SEZ6L: variants seen among roughly 807,000 people sequenced by gnomAD.
The protein encoded by SEZ6L is seizure 6-like protein.
In SEZ6L, 37 loss-of-function variants were observed where a neutral mutation model predicts 106.2. That is an observed-to-expected ratio of 0.35 (90% CI 0.27 to 0.46). The LOEUF is 0.46. SEZ6L is among the 20% of genes least tolerant of loss of function. SEZ6L has a pLI of 1.00. For missense variants in SEZ6L, 1,172 were observed against 1,332.8 expected (o/e 0.88, Z 1.88); for synonymous variants, 541 against 570.4 (o/e 0.95, Z 0.73).
intron 9 of SEZ6L, among the ~76,000 whole-genome samples, chr22:26,321,747 T>G (rs1798200328): frequency 6.6e-6 from 1 of 152,180 alleles, no homozygotes; most frequent in African/African-American, 2.4e-5. Flanking sequence ...CCTAAGTGTT[T>G]GCAATTGTTA....
intron 9 of SEZ6L, among the ~76,000 whole-genome samples, chr22:26,320,049 AG>A (rs1383528116): frequency 6.6e-6 from 1 of 152,360 alleles, no homozygotes; most frequent in East Asian, 1.9e-4. Context: ...CTGGTTGATA[AG>A]AAATAACATT....
chr22:26,312,649 C>A (rs954817930), intron 8 of SEZ6L, among the ~76,000 whole-genome samples: 1 of 152,222 alleles, frequency 6.6e-6, no homozygotes, highest in Non-Finnish European at 1.5e-5. Flanking sequence ...CGGCTCACTG[C>A]AGCCTCCGCT....
At chr22:26,355,153 C>G (rs769378063) in intron 12 of SEZ6L, among the ~76,000 whole-genome samples, 1 of 152,356 alleles carries the variant, frequency 6.6e-6, no homozygotes, top group South Asian at 2.1e-4. Context: ...CTTCAGTAGG[C>G]TGACCTTTTC....
At position 26,313,885 on chromosome 22, in the gene SEZ6L, C is replaced by A. The variant is rs2081921931; in HGVS notation, c.1998C>A (p.Ile666=). 6.2e-7 allele frequency: 1 copy of A among 1,606,286 alleles called. No homozygotes were observed. The highest frequency in any genetic ancestry group is 8.5e-7 in the Non-Finnish European group (1 of 1,173,232). ...TCCACGTGGGAGAAGAGAAACGGAT[C>A]TTCTTAGATATCCAGTTGTGAGTGT... ...WKIHVGEEKR[I]FLDIQFLNLS... is the part of the protein sequence containing the mutation. The change falls in exon 9 of 17, where the codon ATC becomes ATA. Residue 666 remains isoleucine, a synonymous_variant. Transcript: ENST00000248933.
At chr22:26,348,650 G>GAAAGAAAGAAAGAAAGAA (rs2083126761) in intron 11 of SEZ6L, among the ~76,000 whole-genome samples, 5 of 18,878 alleles carry the variant, frequency 2.6e-4, no homozygotes, top group Admixed American at 5.3e-4. Context: ...GAAAGAAAAA[G>GAAAGAAAGAAAGAAAGAA]AAAGAAAGAA....
intron 1 of SEZ6L, among the ~76,000 whole-genome samples, chr22:26,277,128 CCT>C (rs1417101544): frequency 6.8e-6 from 1 of 147,390 alleles, no homozygotes; most frequent in African/African-American, 2.5e-5. Context: ...TTTAATATAG[CCT>C]CTCTCTCAGC....
At chr22:26,170,616 G>C (rs1361202876) in intron 1 of SEZ6L, among the ~76,000 whole-genome samples, 2 of 152,098 alleles carry the variant, frequency 1.3e-5, no homozygotes, top group Non-Finnish European at 2.9e-5. Flanking sequence ...AGGTACCCCA[G>C]GAAAAGTTAT....
chr22:26,228,546 A>G (rs2078703790), intron 1 of SEZ6L, among the ~76,000 whole-genome samples: 1 of 152,198 alleles, frequency 6.6e-6, no homozygotes, highest in South Asian at 2.1e-4. Context: ...TCAGCCCTCT[A>G]TGCCTCCTCA....
chr22:26,203,442 T>G (rs1941102910), intron 1 of SEZ6L, among the ~76,000 whole-genome samples: 1 of 152,236 alleles, frequency 6.6e-6, no homozygotes, highest in African/African-American at 2.4e-5. Context: ...GGTTGTTTAT[T>G]GTTCACATCT....
At chr22:26,252,334 C>T (rs2079625366) in intron 1 of SEZ6L, among the ~76,000 whole-genome samples, 1 of 152,142 alleles carries the variant, frequency 6.6e-6, no homozygotes, top group Non-Finnish European at 1.5e-5. Context: ...ACCAAAGATC[C>T]TTGAAAAACC....
intron 1 of SEZ6L, among the ~76,000 whole-genome samples, chr22:26,255,293 C>T (rs2079772426): frequency 6.6e-6 from 1 of 152,192 alleles, no homozygotes; most frequent in Admixed American, 6.5e-5. Context: ...TTGCCTTTTG[C>T]TTCCCTCGGG....
intron 1 of SEZ6L, among the ~76,000 whole-genome samples, chr22:26,226,082 T>A (rs1490836541): frequency 6.6e-6 from 1 of 152,194 alleles, no homozygotes. Flanking sequence ...ACCACCCTGG[T>A]CTAAGCCACC....
rs1556301617 is a variant in SEZ6L at position 26,278,999 on chromosome 22, A to AGGAAGGAAAGAAGGAAAGAC, written c.95-13399_95-13398insAGAAGGAAAGACGGAAGGAA. Among the ~76,000 whole-genome samples, 19 of 135,644 alleles carry AGGAAGGAAAGAAGGAAAGAC rather than the reference A, an allele frequency of 1.4e-4. 1 individual carries two copies. In the Middle Eastern group the frequency reaches 0.012, roughly 86 times the overall value. 89.0% of individuals were successfully genotyped at this position (135,644 alleles called of 152,430 possible). Reference sequence around the variant, plus strand: ...GAGGGAGGGAGGGAGGAAGGAAGGAAGGAAGGAAGGGAAGGAAGGAAAGAA... The same window carrying AGGAAGGAAAGAAGGAAAGAC: ...GAGGGAGGGAGGGAGGAAGGAAGGAAGGAAGGAAAGAAGGAAAGACGGAAGGAAGGGAAGGAAGGAAAGAA... On this transcript the variant is annotated intron_variant, in intron 1 of 16. Transcript: ENST00000248933.
At chr22:26,258,387 A>G (rs571811200) in intron 1 of SEZ6L, among the ~76,000 whole-genome samples, 19 of 152,334 alleles carry the variant, frequency 1.2e-4, no homozygotes, top group Non-Finnish European at 8.8e-5. Context: ...TGCAGAATCC[A>G]AAAGGGCTTC....
At position 26,371,246 on chromosome 22, in the gene SEZ6L, T is replaced by C. The variant is rs79938596; in HGVS notation, c.2795-2205T>C. ...CATGAATCCTTGGATGCTGGCACTT[T>C]TCATCCTGCAGGACAGATTCCTCAA... On this transcript the variant is annotated intron_variant, in intron 13 of 16. Coordinates refer to ENST00000248933, the MANE Select transcript of SEZ6L (RefSeq NM_021115.5). 6.5e-3 allele frequency among the ~76,000 whole-genome samples: 986 copies of C among 152,320 alleles called. 11 individuals carry two copies. The highest frequency in any genetic ancestry group is 0.023 in the African/African-American group (941 of 41,560).
chr22:26,235,012 C>A (rs1008684241), intron 1 of SEZ6L, among the ~76,000 whole-genome samples: 1 of 152,162 alleles, frequency 6.6e-6, no homozygotes, highest in African/African-American at 2.4e-5. Context: ...AGTGCTTTCT[C>A]GGATGTTGCT....
intron 1 of SEZ6L, among the ~76,000 whole-genome samples, chr22:26,198,716 C>T (rs554681670): frequency 3.3e-5 from 5 of 152,310 alleles, no homozygotes; most frequent in South Asian, 4.1e-4. Flanking sequence ...AACAGGGCCT[C>T]GCTAGTTCCC....
chr22:26,376,935 C>T (rs530837161), intron 15 of SEZ6L, among the ~76,000 whole-genome samples: 2 of 152,030 alleles, frequency 1.3e-5, no homozygotes, highest in South Asian at 4.2e-4. Context: ...AAGATAAACA[C>T]AATGAAGGAA....
chr22:26,365,713 A>C, intron 13 of SEZ6L, 147 bp downstream of exon 13: 1 of 518,186 alleles, frequency 1.9e-6, no homozygotes, highest in South Asian at 3.1e-5. Flanking sequence ...ATCTCTACCA[A>C]AAAAAAAAAA....
Sources: gnomAD v4.1 joint callset for allele counts (sites outside exome capture counted in the v4.1 genomes callset) on GRCh38, gnomAD v4.1.1 for gene constraint, MANE v1.5 for transcripts, NCBI Gene and HGNC (gene_info 2026-07-23, HGNC 2026-07-21) for gene names.